The following CCDC144A variants were observed in gnomAD, a reference collection of about 807,000 sequenced individuals.
The protein encoded by CCDC144A is coiled-coil domain containing 144A, also known as coiled-coil domain-containing protein 144A.
A neutral mutation model predicts 143.8 loss-of-function variants in CCDC144A; 41 were observed. That is an observed-to-expected ratio of 0.29 (90% CI 0.22 to 0.37). The LOEUF (loss-of-function observed/expected upper bound fraction) is 0.37, where lower values mean the gene tolerates loss of function less well. CCDC144A is among the 10% of genes least tolerant of loss of function. The pLI is 1.00. For missense variants in CCDC144A, 637 were observed against 1,488.8 expected, an observed-to-expected ratio of 0.43 and a Z score of 9.41; for synonymous variants, 242 against 517.9, an observed-to-expected ratio of 0.47 and a Z score of 7.23.
rs534857088 is a variant in CCDC144A at position 16,752,438 on chromosome 17, C to T, written c.3373-8987C>T. On this transcript the variant is annotated intron_variant, in intron 12 of 16. Transcript: ENST00000399273. Reference sequence around the variant, plus strand: ...TCCCACACTGACATATGAACTTGGGCCCTCTCTTCTCGGCATTGTGAGAGA... The same window carrying T: ...TCCCACACTGACATATGAACTTGGGTCCTCTCTTCTCGGCATTGTGAGAGA... Among the ~76,000 whole-genome samples, 160 of 152,206 alleles carry T rather than the reference C, an allele frequency of 1.1e-3. 1 individual carries two copies. The highest frequency in any genetic ancestry group is 3.7e-3 in the African/African-American group (152 of 41,518).
At chr17:16,732,770 C>A (rs1913801717) in intron 11 of CCDC144A, 104 bp downstream of exon 11, 1 of 667,600 alleles carries the variant, frequency 1.5e-6, no homozygotes, top group East Asian at 3.6e-5. Flanking sequence ...GAACTACACA[C>A]ACACACACAC....
At position 16,772,013 on chromosome 17, in the gene CCDC144A, G is replaced by T. The variant is rs1339818535; in HGVS notation, c.4135G>T (p.Val1379Leu). ...GTTGCAAAATGATCTAACTGCAGAA[G>T]TAGCAGGTATGTTACCAAAATTTAT... ...QKLQNDLTAE[V>L]AAATKYEPGS... Residue 1379 changes from valine (V) to leucine (L), a missense_variant, in exon 16 of 17, where the codon GTA (valine) becomes TTA (leucine). By Grantham distance (32) the Val-to-Leu change is conservative (BLOSUM62 1). Coordinates refer to ENST00000399273, the MANE Select transcript of CCDC144A (RefSeq NM_001382000.1). 3 of 1,538,120 alleles carry T rather than the reference G, an allele frequency of 2.0e-6. No individual in the cohort carries two copies. The highest frequency in any genetic ancestry group is 2.6e-6 in the Non-Finnish European group (3 of 1,137,492).
intron 11 of CCDC144A, among the ~76,000 whole-genome samples, chr17:16,733,967 A>G (rs1431612661): frequency 1.3e-5 from 2 of 151,994 alleles, no homozygotes; most frequent in African/African-American, 4.8e-5. Flanking sequence ...GCGAAACCCC[A>G]TCTCTACAAA....
At chr17:16,763,028 T>G (rs1915446422) in intron 14 of CCDC144A, among the ~76,000 whole-genome samples, 1 of 150,794 alleles carries the variant, frequency 6.6e-6, no homozygotes. Flanking sequence ...CTTTGCTTGA[T>G]TGTGATCATT....
chr17:16,692,920 T>C (rs1911172727), intron 1 of CCDC144A, 59 bp from the exon 2 acceptor site: 7 of 1,296,762 alleles, frequency 5.4e-6, no homozygotes, highest in Admixed American at 5.9e-5. Context: ...ATTTAATATA[T>C]TTGGTATTTT....
chr17:16,688,581 T>C (rs2018275), upstream of CCDC144A, among the ~76,000 whole-genome samples: 1 of 140,830 alleles, frequency 7.1e-6, no homozygotes, highest in East Asian at 2.3e-4. Flanking sequence ...CTCCACCTCC[T>C]GGGTTCAAGC....
In CCDC144A at chr17:16,776,036, G is replaced by A. The variant is rs1204685703; in HGVS notation, c.*2403G>A. On this transcript the variant is annotated 3_prime_UTR_variant, in exon 17 of 17. Coordinates refer to ENST00000399273, the MANE Select transcript of CCDC144A (RefSeq NM_001382000.1). The stretch of plus-strand genomic sequence containing the variant: ...TTGTAGGTGTGTGGTCTTATTTCTG[G>A]GTTCTCTATTCTGTTCCATTGGTCT... 2.6e-5 allele frequency: 4 copies of A among 152,058 alleles called. No individual in the cohort carries two copies. Among genetic ancestry groups the A allele is most frequent in the African/African-American group, 9.7e-5 (4 of 41,402 alleles). The allele number at this position is 152,058 out of a possible 1,614,324, so 9.4% of individuals were successfully genotyped here. A position where few individuals can be genotyped will look rare whatever the true frequency, so the allele number is the denominator to read the frequency against.
chr17:16,744,251 G>T (rs1195707486), intron 12 of CCDC144A, among the ~76,000 whole-genome samples: 1 of 152,292 alleles, frequency 6.6e-6, no homozygotes, highest in South Asian at 2.1e-4. Flanking sequence ...TTTTAGTTCC[G>T]TGAGAGAAAC....
chr17:16,764,877 G>A (rs976288554), intron 15 of CCDC144A: 1 of 141,160 alleles, frequency 7.1e-6, no homozygotes, highest in Non-Finnish European at 1.5e-5. Context: ...GCTCACATAA[G>A]TTTTGTCTCT....
intron 11 of CCDC144A, among the ~76,000 whole-genome samples, chr17:16,734,487 A>G (rs991434647): frequency 1.3e-5 from 2 of 152,174 alleles, no homozygotes; most frequent in African/African-American, 4.8e-5. Flanking sequence ...TATGTTCTAC[A>G]TTCATGGATT....
At position 16,776,484 on chromosome 17, in the gene CCDC144A, A is replaced by G. The variant is rs991704016; in HGVS notation, c.*2851A>G. The G allele has an allele frequency of 1.3e-5, 2 of 152,262 alleles. No individual in the cohort carries two copies. The highest frequency in any genetic ancestry group is 2.4e-5 in the African/African-American group (1 of 41,460). The allele number at this position is 152,262 out of a possible 1,614,324, so 9.4% of individuals were successfully genotyped here. On this transcript the variant is annotated 3_prime_UTR_variant, in exon 17 of 17. Coordinates refer to ENST00000399273, the MANE Select transcript of CCDC144A (RefSeq NM_001382000.1). ...GGCAATTGTGAATGGGAGTTAATTCATGAGTTTTCTCTCGGCTTGCCTGTT... is the reference window on the plus strand; with the variant it reads ...GGCAATTGTGAATGGGAGTTAATTCGTGAGTTTTCTCTCGGCTTGCCTGTT...
chr17:16,770,652 C>A (rs1186014210), intron 15 of CCDC144A, among the ~76,000 whole-genome samples: 2 of 152,028 alleles, frequency 1.3e-5, no homozygotes, highest in Admixed American at 6.5e-5. Flanking sequence ...CAGTGACATT[C>A]ATACGTTTAA....
rs562010715 is a variant in CCDC144A at position 16,773,330 on chromosome 17, G to T, written c.4142-167G>T. ...CCAGGCACAGTGGCTCATGCCTGCA[G>T]TTCCAAGTACTTGGGGCTGAGGCAG... On this transcript the variant is annotated intron_variant, in intron 16 of 16. Coordinates refer to ENST00000399273, the MANE Select transcript of CCDC144A (RefSeq NM_001382000.1). Among the ~76,000 whole-genome samples, 1,182 of 152,138 alleles carry T rather than the reference G, an allele frequency of 7.8e-3. 19 individuals are homozygous for T. The highest frequency in any genetic ancestry group is 0.028 in the African/African-American group (1,157 of 41,456).
chr17:16,727,840 C>A (rs1395008716), intron 9 of CCDC144A, 100 bp downstream of exon 9: 1 of 1,157,704 alleles, frequency 8.6e-7, no homozygotes, highest in Non-Finnish European at 1.2e-6. Context: ...GGGGGAGAAA[C>A]CTTTTTGGTC....
chr17:16,767,763 C>T (rs1433412262), intron 15 of CCDC144A, among the ~76,000 whole-genome samples: 1 of 152,200 alleles, frequency 6.6e-6, no homozygotes, highest in African/African-American at 2.4e-5. Context: ...AAATCACACA[C>T]CAGAGAAATA....
At position 16,708,946 on chromosome 17, in the gene CCDC144A, G is replaced by A. The variant is rs756887709; in HGVS notation, c.889G>A (p.Glu297Lys). The change falls in exon 5 of 17, where the codon GAG (glutamate) becomes AAG (lysine). Residue 297 changes from glutamate (E) to lysine (K), a missense_variant. Coordinates refer to ENST00000399273, the MANE Select transcript of CCDC144A (RefSeq NM_001382000.1). ...WKNQLKLVIN[E>K]LKQRFGEIYE... ...AAACCAATTAAAACTCGTCATAAATGAGTTAAAGCAGAGGTTTGGTGAAAT... is the reference window on the plus strand; with the variant it reads ...AAACCAATTAAAACTCGTCATAAATAAGTTAAAGCAGAGGTTTGGTGAAAT... 6.2e-7 allele frequency: 1 copy of A among 1,611,430 alleles called. No homozygotes were observed. Among genetic ancestry groups the A allele is most frequent in the Non-Finnish European group, 8.5e-7 (1 of 1,179,592 alleles).
intron 2 of CCDC144A, among the ~76,000 whole-genome samples, chr17:16,695,942 C>A (rs1911372916): frequency 6.6e-6 from 1 of 152,004 alleles, no homozygotes. Context: ...GGTTTATGAG[C>A]AGTTCAGTTT....
At chr17:16,680,556 A>G in the CCDC144A span, among the ~76,000 whole-genome samples, 1 of 149,296 alleles carries the variant, frequency 6.7e-6, no homozygotes, top group African/African-American at 2.5e-5. Context: ...AAAGAAAGAA[A>G]GAGAGAGAGA....
intron 8 of CCDC144A, among the ~76,000 whole-genome samples, chr17:16,726,551 G>A (rs1174543095): frequency 6.6e-6 from 1 of 151,904 alleles, no homozygotes; most frequent in South Asian, 2.1e-4. Context: ...AGATCTTTGT[G>A]ATGACTCTAT....
Sources: gnomAD v4.1 joint callset for allele counts (sites outside exome capture counted in the v4.1 genomes callset) on GRCh38, gnomAD v4.1.1 for gene constraint, MANE v1.5 for transcripts, NCBI Gene and HGNC (gene_info 2026-07-23, HGNC 2026-07-21) for gene names.